The following LPIN1 variants were observed in gnomAD, a reference collection of about 807,000 sequenced individuals.
LPIN1 encodes lipin 1.
Under a neutral mutation model 107.5 loss-of-function variants are expected in LPIN1, and 71 were observed. The observed-to-expected ratio is 0.66, with a 90% CI of 0.55 to 0.80. The LOEUF (loss-of-function observed/expected upper bound fraction) is 0.80. Ranked by LOEUF, LPIN1 falls within the 30% of genes least tolerant of loss-of-function variation. The pLI, the probability that LPIN1 is intolerant of heterozygous loss-of-function variation, is 0.00. For synonymous variants in LPIN1, 445 were observed against 452.6 expected, an observed-to-expected ratio of 0.98 and a Z score of 0.21; for missense variants, 1,043 against 1,160.6, an observed-to-expected ratio of 0.90 and a Z score of 1.47.
At chr2:11,772,121 G>C (rs1671951486) in intron 4 of LPIN1, among the ~76,000 whole-genome samples, 2 of 152,150 alleles carry the variant, frequency 1.3e-5, no homozygotes. Flanking sequence ...TCGTGCTCCT[G>C]TGAGAATCTG....
At chr2:11,800,410 C>CT (rs796117860) in intron 14 of LPIN1, among the ~76,000 whole-genome samples, 67 of 151,972 alleles carry the variant, frequency 4.4e-4, no homozygotes, top group African/African-American at 1.2e-3. Context: ...GTAGGGATCT[C>CT]TTTTTTTTCT....
At position 11,785,002 on chromosome 2, in the gene LPIN1, A is replaced by G. The variant is rs190743128; in HGVS notation, c.1475A>G (p.Asp492Gly). 4.3e-5 allele frequency: 69 copies of G among 1,613,084 alleles called. 1 individual carries two copies. In the East Asian group the frequency reaches 1.4e-3, roughly 32 times the overall value. The change falls in exon 10 of 21, where the codon GAC becomes GGC. Residue 492 changes from aspartate (D) to glycine (G), a missense_variant. By Grantham distance (94) the Asp-to-Gly change is moderately conservative. Transcript: ENST00000674199. ...GACAGTGGCGTGGAGAGCACCTCGG[A>G]CGGGCTGAGGGACCTCCCTTCCATC... is the stretch of plus-strand genomic sequence containing the variant. Reference protein sequence around the residue: ...GVDSGVESTSDGLRDLPSIAI... With the variant: ...GVDSGVESTSGGLRDLPSIAI...
At chr2:11,810,642 C>T (rs959134976) in intron 17 of LPIN1, among the ~76,000 whole-genome samples, 26 of 152,150 alleles carry the variant, frequency 1.7e-4, no homozygotes, top group Admixed American at 2.6e-4. Context: ...TCTCAACTGA[C>T]GGACATATGG....
chr2:11,772,367 A>G lies in LPIN1; in HGVS notation c.596+688A>G, dbSNP rs192135886. Reference sequence around the variant, plus strand: ...ATAAAGATTTGCTGTGCTGTAGCCAAGAGACAGTTGGTGATGCCAAACCTC... The same window carrying G: ...ATAAAGATTTGCTGTGCTGTAGCCAGGAGACAGTTGGTGATGCCAAACCTC... On this transcript the variant is annotated intron_variant, in intron 4 of 20. Coordinates refer to ENST00000674199, the MANE Select transcript of LPIN1 (RefSeq NM_001349206.2). Among the ~76,000 whole-genome samples the G allele has an allele frequency of 6.6e-3, 1,011 of 152,330 alleles. 16 individuals are homozygous for G. Among genetic ancestry groups the G allele is most frequent in the African/African-American group, 0.023 (962 of 41,580 alleles).
In LPIN1 at chr2:11,771,177, C is replaced by G. The variant is rs1232503453; in HGVS notation, c.289-195C>G. Among the ~76,000 whole-genome samples, 1 of 152,176 alleles carries G rather than the reference C, an allele frequency of 6.6e-6. No homozygotes were observed. Among genetic ancestry groups the G allele is most frequent in the Non-Finnish European group, 1.5e-5 (1 of 68,034 alleles). On this transcript the variant is annotated intron_variant, in intron 3 of 20. Coordinates refer to ENST00000674199, the MANE Select transcript of LPIN1 (RefSeq NM_001349206.2). This position sits in a 1 kb window ranked among gnomAD's most constrained non-coding sequence, Gnocchi z 4.8. ...AAAGTGGCATTCAATACATTGTTGG[C>G]TTTCTGATCTTCTACCAGATTGGGC...
At chr2:11,784,770 A>G (rs1017455912) in intron 9 of LPIN1, 116 bp from the exon 10 acceptor site, 6 of 909,766 alleles carry the variant, frequency 6.6e-6, no homozygotes, top group African/African-American at 4.9e-5. Flanking sequence ...CTGTGCTGAG[A>G]TGCAGCCGTC....
intron 1 of LPIN1, among the ~76,000 whole-genome samples, chr2:11,681,062 G>C (rs1661686234): frequency 6.6e-6 from 1 of 152,206 alleles, no homozygotes; most frequent in Non-Finnish European, 1.5e-5. Context: ...TGACAGGCTG[G>C]ACTGCAAATA....
intron 1 of LPIN1, among the ~76,000 whole-genome samples, chr2:11,740,646 T>C (rs1259422668): frequency 2.3e-5 from 3 of 128,056 alleles, no homozygotes; most frequent in African/African-American, 9.1e-5. Flanking sequence ...ATCACCCCAC[T>C]GCACTCCAGC....
rs770258174 is a variant in LPIN1 at position 11,717,075 on chromosome 2, G to T, written c.138+3263G>T. On this transcript the variant is annotated intron_variant, in intron 2 of 21. Transcript: ENST00000449576. ...AGTTTTCTTGGAGGGAGCATGTTTTGTCGGGGGAGGAAGTGAAACTTTGTC... is the reference window on the plus strand; with the variant it reads ...AGTTTTCTTGGAGGGAGCATGTTTTTTCGGGGGAGGAAGTGAAACTTTGTC... Among the ~76,000 whole-genome samples the T allele has an allele frequency of 3.9e-5, 6 of 152,182 alleles. 1 individual carries two copies. Among genetic ancestry groups the T allele is most frequent in the Admixed American group, 6.5e-5 (1 of 15,278 alleles).
At chr2:11,805,471 C>T in intron 17 of LPIN1, 1 of 478,770 alleles carries the variant, frequency 2.1e-6, no homozygotes, top group Non-Finnish European at 3.8e-6. Flanking sequence ...GCAGAGGTAG[C>T]CAGTTGAAGA....
intron 1 of LPIN1, among the ~76,000 whole-genome samples, chr2:11,747,083 G>A (rs1467627119): frequency 6.6e-6 from 1 of 152,244 alleles, no homozygotes; most frequent in Non-Finnish European, 1.5e-5. Flanking sequence ...TTTGCGCCGG[G>A]GACTGGGATG....
At chr2:11,747,048 C>G (rs760697573) in intron 1 of LPIN1, among the ~76,000 whole-genome samples, 2 of 152,210 alleles carry the variant, frequency 1.3e-5, no homozygotes, top group African/African-American at 2.4e-5. Flanking sequence ...CGGGTGCGTC[C>G]TGGCTCTGCG....
rs200394034 is a variant in LPIN1, at chr2:11,802,944, G to T, written c.1924G>T (p.Ala642Ser). 2.5e-6 allele frequency: 4 copies of T among 1,613,278 alleles called. No homozygotes were observed. Among genetic ancestry groups the T allele is most frequent in the South Asian group, 1.1e-5 (1 of 91,040 alleles). Reference sequence around the variant, plus strand: ...ATCATCCTCCAGTGATGAGGAGCGCGCAGCTGCCAAGCCATCAAACGCAGG... The same window carrying T: ...ATCATCCTCCAGTGATGAGGAGCGCTCAGCTGCCAAGCCATCAAACGCAGG... Reference protein sequence around the residue: ...HESSSSDEERAAAKPSNAGHL... With the variant: ...HESSSSDEERSAAKPSNAGHL... The change falls in exon 15 of 21, where the codon GCA becomes TCA. Residue 642 changes from alanine to serine, a missense_variant. Transcript: ENST00000674199.
intron 3 of LPIN1, among the ~76,000 whole-genome samples, chr2:11,770,374 G>T (rs1351151435): frequency 6.6e-6 from 1 of 152,178 alleles, no homozygotes; most frequent in African/African-American, 2.4e-5. Context: ...CTTCAGCACT[G>T]CTTGGTACTG....
At chr2:11,712,831 C>T (rs1663498611) in intron 1 of LPIN1, among the ~76,000 whole-genome samples, 1 of 152,282 alleles carries the variant, frequency 6.6e-6, no homozygotes, top group South Asian at 2.1e-4. Flanking sequence ...CTCCCTGTGC[C>T]CTTTGTGTAG....
intron 17 of LPIN1, among the ~76,000 whole-genome samples, chr2:11,808,953 A>G (rs1041957848): frequency 1.3e-5 from 2 of 152,126 alleles, no homozygotes; most frequent in Non-Finnish European, 2.9e-5. Flanking sequence ...AACAGTGAAT[A>G]AGGACAATTT....
chr2:11,821,496 G>A (rs550589774), intron 20 of LPIN1, among the ~76,000 whole-genome samples: 127 of 152,198 alleles, frequency 8.3e-4, no homozygotes, highest in African/African-American at 2.8e-3. Flanking sequence ...CAGCCTGGGC[G>A]ACAGAGCTAG....
At chr2:11,680,510 A>G (rs1661657472) in intron 1 of LPIN1, among the ~76,000 whole-genome samples, 1 of 152,116 alleles carries the variant, frequency 6.6e-6, no homozygotes, top group Non-Finnish European at 1.5e-5. Context: ...GTGGGGCTGC[A>G]GCTGGCAAGC....
At position 11,786,174 on chromosome 2, in the gene LPIN1, C is replaced by T. The variant is rs1674540985; in HGVS notation, c.1550-900C>T. ...ACAGGTGAGGCCAGATCGTCACAGTCAGGAGACCCCAGGAGAGTCCCCGGA... is the reference window on the plus strand; with the variant it reads ...ACAGGTGAGGCCAGATCGTCACAGTTAGGAGACCCCAGGAGAGTCCCCGGA... On this transcript the variant is annotated intron_variant, in intron 10 of 20. Transcript: ENST00000674199. The surrounding 1 kb of genome is among the most constrained non-coding windows in gnomAD (Gnocchi z 4.1). Among the ~76,000 whole-genome samples the T allele has an allele frequency of 6.6e-6, 1 of 152,144 alleles. No homozygotes were observed. The highest frequency in any genetic ancestry group is 2.1e-4 in the South Asian group (1 of 4,816).
Sources: allele counts gnomAD v4.1 joint callset (sites outside exome capture counted in the v4.1 genomes callset), GRCh38; gene constraint gnomAD v4.1.1; non-coding constraint Gnocchi (gnomAD v3.1); transcripts MANE v1.5; gene names NCBI Gene and HGNC (gene_info 2026-07-23, HGNC 2026-07-21).